FBLN2: variants seen among roughly 807,000 people sequenced by gnomAD.
The protein encoded by FBLN2 is fibulin-2.
A neutral mutation model predicts 123.7 loss-of-function variants in FBLN2; 81 were observed. The ratio of observed to expected loss-of-function variants is 0.65; its 90% CI spans 0.55 to 0.79. FBLN2 has a LOEUF of 0.79. Among genes scored for constraint, FBLN2 ranks in the 30% least tolerant of loss-of-function variants. The pLI, the probability that FBLN2 is intolerant of heterozygous loss-of-function variation, is 0.00. For missense variants in FBLN2, 1,603 were observed against 1,681.3 expected (o/e 0.95, Z 0.81); for synonymous variants, 699 against 701.4 (o/e 1.00, Z 0.05).
At chr3:13,562,288 T>G (rs1483267208) in intron 1 of FBLN2, among the ~76,000 whole-genome samples, 1 of 152,172 alleles carries the variant, frequency 6.6e-6, no homozygotes, top group Non-Finnish European at 1.5e-5. Context: ...TATTTACGTT[T>G]GGCTCTACAG....
At chr3:13,573,096 C>T (rs1325469390) in intron 2 of FBLN2, among the ~76,000 whole-genome samples, 2 of 151,782 alleles carry the variant, frequency 1.3e-5, no homozygotes, top group African/African-American at 4.9e-5. Flanking sequence ...AGGCCCAGAG[C>T]TCCGTCAGTG....
At chr3:13,629,664 CTT>C (rs1706184264) in intron 13 of FBLN2, among the ~76,000 whole-genome samples, 154 bp from the exon 14 acceptor site, 1 of 152,234 alleles carries the variant, frequency 6.6e-6, no homozygotes, top group African/African-American at 2.4e-5. Context: ...CACCTGGTCT[CTT>C]TGCCTCTCTC....
Position 13,571,076 on chromosome 3 carries a change from A to G in FBLN2, c.721A>G (p.Thr241Ala). The change falls in exon 2 of 18, where the codon ACC (threonine) becomes GCC (alanine). Residue 241 changes from threonine to alanine, a missense_variant. Physicochemically the swap from Thr to Ala is moderately conservative, Grantham distance 58. Coordinates refer to ENST00000404922, the MANE Select transcript of FBLN2 (RefSeq NM_001004019.2). Reference protein sequence around the residue: ...ALGGGSQPLSTIQAPPWPAVL... With the variant: ...ALGGGSQPLSAIQAPPWPAVL... ...GGGAGGTGGGAGTCAGCCACTGTCC[A>G]CCATCCAGGCACCCCCCTGGCCAGC... The G allele has an allele frequency of 6.4e-7, 1 of 1,554,912 alleles. No homozygotes were observed. Among genetic ancestry groups the G allele is most frequent in the Non-Finnish European group, 8.7e-7 (1 of 1,149,826 alleles).
intron 1 of FBLN2, among the ~76,000 whole-genome samples, chr3:13,551,482 G>A (rs766292209): frequency 1.3e-5 from 2 of 152,178 alleles, no homozygotes; most frequent in African/African-American, 4.8e-5. Flanking sequence ...TAAGAGACGG[G>A]GAAGGGGAGG....
Position 13,618,246 on chromosome 3 carries a change from G to T in FBLN2, c.1900G>T (p.Gly634Cys). The T allele has an allele frequency of 1.2e-6, 2 of 1,613,942 alleles. No individual in the cohort carries two copies. Among genetic ancestry groups the T allele is most frequent in the Non-Finnish European group, 1.7e-6 (2 of 1,179,902 alleles). The change falls in exon 6 of 18, where the codon GGC becomes TGC. Residue 634 changes from glycine (G) to cysteine (C), a missense_variant. Gly to Cys is a radical substitution (Grantham distance 159). Transcript: ENST00000404922. ...VGSYHCACFP[G>C]FSLQDDGRTC... The stretch of plus-strand genomic sequence containing the variant: ...TTCTTACCACTGTGCCTGCTTTCCT[G>T]GCTTCTCACTGCAGGACGATGGCCG...
chr3:13,600,708 C>G (rs748222985), intron 2 of FBLN2, among the ~76,000 whole-genome samples: 1 of 151,382 alleles, frequency 6.6e-6, no homozygotes, highest in African/African-American at 2.4e-5. Context: ...CTCCGCCTCA[C>G]GGGTTCAAGT....
chr3:13,633,114 C>T (rs1005962202), intron 16 of FBLN2, among the ~76,000 whole-genome samples: 1 of 152,236 alleles, frequency 6.6e-6, no homozygotes, highest in African/African-American at 2.4e-5. Context: ...TTCTGACCTA[C>T]ACCAAACACC....
At chr3:13,576,038 G>A (rs954706743) in intron 2 of FBLN2, among the ~76,000 whole-genome samples, 3 of 152,208 alleles carry the variant, frequency 2.0e-5, no homozygotes, top group African/African-American at 7.2e-5. Context: ...CCTGCCCACC[G>A]TAAGCAGGCT....
intron 2 of FBLN2, among the ~76,000 whole-genome samples, chr3:13,587,653 T>C (rs902408934): frequency 6.6e-6 from 1 of 152,196 alleles, no homozygotes; most frequent in African/African-American, 2.4e-5. Context: ...CCTCATTATA[T>C]CTCTCACATT....
In FBLN2 at chr3:13,604,045, G is replaced by C. The variant is rs546224644; in HGVS notation, c.1307-4017G>C. Among the ~76,000 whole-genome samples the C allele has an allele frequency of 3.5e-3, 530 of 152,302 alleles. 6 individuals are homozygous for C. Among genetic ancestry groups the C allele is most frequent in the African/African-American group, 0.011 (475 of 41,560 alleles). ...CTGCATAAATGTCTTCTTTTGAGAA[G>C]TGTCTGTTCATATCCTTCGCCCACT... On this transcript the variant is annotated intron_variant, in intron 2 of 17. Transcript: ENST00000404922.
Position 13,618,079 on chromosome 3 carries a change from C to A in FBLN2, c.1733C>A (p.Ser578Ter), listed in dbSNP as rs1415352674. The A allele has an allele frequency of 6.2e-7, 1 of 1,612,992 alleles. No individual in the cohort carries two copies. Among genetic ancestry groups the A allele is most frequent in the East Asian group, 2.2e-5 (1 of 44,872 alleles). ...TGAGCTCTAACCCCTGTCCTAGTTT[C>A]AGAGGCAGAGATGGCGGGCCGAGAG... is the stretch of plus-strand genomic sequence containing the variant. Reference protein sequence around the residue: ...PEPAAAPRRVSEAEMAGREAL... With the variant: ...PEPAAAPRRV The change falls in exon 6 of 18, where the codon TCA becomes TAA. Residue 578 changes from serine (S) to a stop codon, truncating the protein, a stop_gained. Transcript: ENST00000404922. LOFTEE classifies it high-confidence loss of function.
At chr3:13,606,683 C>G (rs1454622693) in intron 2 of FBLN2, among the ~76,000 whole-genome samples, 1 of 151,868 alleles carries the variant, frequency 6.6e-6, no homozygotes, top group Non-Finnish European at 1.5e-5. Context: ...TGGAGTTTCA[C>G]TCTTATTGCC....
At chr3:13,636,362 C>T (rs979180733) in intron 16 of FBLN2, 83 bp from the exon 17 acceptor site, 11 of 1,551,870 alleles carry the variant, frequency 7.1e-6, no homozygotes, top group East Asian at 2.3e-5. Flanking sequence ...GCCGTGGGGC[C>T]CAGGCCTTTC....
intron 1 of FBLN2, among the ~76,000 whole-genome samples, chr3:13,557,478 C>G (rs1703493509): frequency 6.6e-6 from 1 of 152,092 alleles, no homozygotes. Context: ...TATCCAGGGC[C>G]TCTGCAGATG....
chr3:13,577,471 G>GGT (rs1704188276), intron 2 of FBLN2, among the ~76,000 whole-genome samples: 2 of 152,186 alleles, frequency 1.3e-5, no homozygotes, highest in African/African-American at 4.8e-5. Context: ...AGGCTGTCCA[G>GGT]GGCCTGTGGC....
intron 2 of FBLN2, among the ~76,000 whole-genome samples, chr3:13,607,294 G>A (rs1294998385): frequency 6.7e-6 from 1 of 150,104 alleles, no homozygotes; most frequent in Admixed American, 6.7e-5. Flanking sequence ...CCTATATTCT[G>A]TATTCTTAAA....
chr3:13,555,040 C>T (rs1331794083), intron 1 of FBLN2, among the ~76,000 whole-genome samples: 6 of 151,608 alleles, frequency 4.0e-5, no homozygotes, highest in African/African-American at 1.5e-4. Flanking sequence ...GCAACCTCTG[C>T]CTCCCAGGTT....
intron 1 of FBLN2, among the ~76,000 whole-genome samples, chr3:13,555,211 C>A (rs1399846744): frequency 6.6e-6 from 1 of 152,070 alleles, no homozygotes; most frequent in Non-Finnish European, 1.5e-5. Flanking sequence ...CTTGGCCTCC[C>A]AAAGTGCTGG....
intron 1 of FBLN2, among the ~76,000 whole-genome samples, chr3:13,564,872 G>A (rs574548116): frequency 2.0e-5 from 3 of 152,362 alleles, no homozygotes; most frequent in South Asian, 4.1e-4. Flanking sequence ...TATAGGATGC[G>A]TGTTTGTTTT....
Sources: gnomAD v4.1 joint callset for allele counts (sites outside exome capture counted in the v4.1 genomes callset) on GRCh38, gnomAD v4.1.1 for gene constraint, MANE v1.5 for transcripts, NCBI Gene and HGNC (gene_info 2026-07-23, HGNC 2026-07-21) for gene names.